LNPEP: variants seen among roughly 807,000 people sequenced by gnomAD.
The protein encoded by LNPEP is leucyl and cystinyl aminopeptidase, also known as leucyl-cystinyl aminopeptidase.
LNPEP carries 64 observed loss-of-function variants against 120.6 expected under a neutral mutation model. That is an observed-to-expected ratio of 0.53 (90% CI 0.43 to 0.65). LNPEP has a LOEUF of 0.65. Among genes scored for constraint, LNPEP ranks in the 30% least tolerant of loss-of-function variants. The pLI, the probability that LNPEP is intolerant of heterozygous loss-of-function variation, is 0.00. For synonymous variants in LNPEP, 435 were observed against 425.4 expected, an observed-to-expected ratio of 1.02 and a Z score of -0.28; for missense variants, 1,057 against 1,200.0, an observed-to-expected ratio of 0.88 and a Z score of 1.76.
rs761557416 is a variant in LNPEP, at chr5:97,026,722, T to G, written c.2829T>G (p.Asp943Glu). The change falls in exon 16 of 18, where the codon GAT becomes GAG. Residue 943 changes from aspartate to glutamate, a missense_variant. Coordinates refer to ENST00000231368, the MANE Select transcript of LNPEP (RefSeq NM_005575.3). The stretch of plus-strand genomic sequence containing the variant: ...TTCCTGGACACTTACTGGCATGGGA[T>G]TTTGTCAAAGAGAACTGGAATAAGC... ...RHFPGHLLAW[D>E]FVKENWNKLV... The G allele has an allele frequency of 6.2e-6, 10 of 1,613,512 alleles. No individual in the cohort carries two copies. The highest frequency in any genetic ancestry group is 8.5e-6 in the Non-Finnish European group (10 of 1,179,492).
At chr5:97,019,299 A>C (rs1022517846) in intron 13 of LNPEP, among the ~76,000 whole-genome samples, 4 of 152,296 alleles carry the variant, frequency 2.6e-5, no homozygotes, top group Middle Eastern at 3.4e-3. Flanking sequence ...TTTCAAAAAA[A>C]TTAATTTGGA....
chr5:96,991,076 A>G (rs1442755206), intron 4 of LNPEP, among the ~76,000 whole-genome samples: 1 of 152,114 alleles, frequency 6.6e-6, no homozygotes, highest in South Asian at 2.1e-4. Flanking sequence ...CCTTTCCTCC[A>G]TGTTCCCAAA....
intron 13 of LNPEP, among the ~76,000 whole-genome samples, chr5:97,021,737 C>G (rs1791201916): frequency 6.6e-6 from 1 of 151,966 alleles, no homozygotes; most frequent in Non-Finnish European, 1.5e-5. Context: ...CACTAAAAGT[C>G]CCCCTTAGCT....
chr5:96,961,798 T>C (rs1789615064), intron 1 of LNPEP, among the ~76,000 whole-genome samples: 1 of 152,152 alleles, frequency 6.6e-6, no homozygotes, highest in African/African-American at 2.4e-5. Context: ...TATTATATTA[T>C]TATTTTTGAT....
Position 96,944,934 on chromosome 5 carries a change from A to T in LNPEP, c.19+8760A>T, listed in dbSNP as rs1789150651. 2.6e-5 allele frequency among the ~76,000 whole-genome samples: 4 copies of T among 152,122 alleles called. No individual in the cohort carries two copies. The South Asian group carries it at 8.3e-4, about 32-fold the overall frequency. On this transcript the variant is annotated intron_variant, in intron 1 of 17. Transcript: ENST00000231368. The stretch of plus-strand genomic sequence containing the variant: ...TTAAGTTATTATCTAAAGACCTGGA[A>T]TCCATAGAAAGGAGTGTCTGGGTTA...
chr5:97,009,309 C>A (rs1239160164), intron 11 of LNPEP, among the ~76,000 whole-genome samples: 1 of 151,858 alleles, frequency 6.6e-6, no homozygotes, highest in East Asian at 2.0e-4. Flanking sequence ...TCTACTTCTC[C>A]ACTCATAATA....
chr5:96,971,353 G>A (rs1789858862), intron 1 of LNPEP, among the ~76,000 whole-genome samples: 1 of 149,100 alleles, frequency 6.7e-6, no homozygotes, highest in Non-Finnish European at 1.5e-5. Context: ...ATTTGTGTGT[G>A]TGTGTGTGTG....
intron 8 of LNPEP, among the ~76,000 whole-genome samples, chr5:97,001,866 A>T (rs1436511300): frequency 6.6e-6 from 1 of 152,150 alleles, no homozygotes; most frequent in Non-Finnish European, 1.5e-5. Context: ...CCGGCCGGGC[A>T]TGGTAGCTCA....
chr5:96,969,338 A>G (rs1789805348), intron 1 of LNPEP, among the ~76,000 whole-genome samples: 1 of 151,806 alleles, frequency 6.6e-6, no homozygotes, highest in Admixed American at 6.6e-5. Context: ...ATTTGGATTT[A>G]CAAAGAAAAT....
At chr5:96,968,436 GGA>G in intron 1 of LNPEP, among the ~76,000 whole-genome samples, 1 of 152,134 alleles carries the variant, frequency 6.6e-6, no homozygotes, top group East Asian at 1.9e-4. Flanking sequence ...GATTGTCCAG[GGA>G]CTTACCCTGG....
At chr5:97,010,770 A>C in intron 11 of LNPEP, 1 of 985,404 alleles carries the variant, frequency 1.0e-6, no homozygotes, top group Non-Finnish European at 1.2e-6. Context: ...ACTATAGTAA[A>C]TTAAAAACAT....
chr5:97,004,681 T>C (rs1471121996), intron 9 of LNPEP, among the ~76,000 whole-genome samples: 1 of 152,190 alleles, frequency 6.6e-6, no homozygotes, highest in East Asian at 1.9e-4. Context: ...ATACACTCTT[T>C]ACTGCTTCTT....
In LNPEP at chr5:97,029,373, T is replaced by G. The variant is rs1466739042; in HGVS notation, c.*840T>G. 6.6e-6 allele frequency: 1 copy of G among 152,358 alleles called. No homozygotes were observed. The highest frequency in any genetic ancestry group is 1.5e-5 in the Non-Finnish European group (1 of 68,032). 9.4% of individuals were successfully genotyped at this position (152,358 alleles called of 1,614,324 possible). ...CTCCCTGCCGTAGATATACTTTAGG[T>G]TAGTATTTCTACATTCGTGGCAAGC... On this transcript the variant is annotated 3_prime_UTR_variant, in exon 18 of 18. Transcript: ENST00000231368.
intron 13 of LNPEP, among the ~76,000 whole-genome samples, chr5:97,020,313 A>G (rs1426786024): frequency 6.6e-6 from 1 of 152,202 alleles, no homozygotes; most frequent in East Asian, 1.9e-4. Flanking sequence ...AACTTGAGCT[A>G]AACTTCTGAA....
chr5:97,004,453 A>G (rs2112643706), intron 9 of LNPEP, among the ~76,000 whole-genome samples: 1 of 151,950 alleles, frequency 6.6e-6, no homozygotes, highest in African/African-American at 2.4e-5. Flanking sequence ...CAGAGGTTGC[A>G]GTGAGCCGAG....
In LNPEP at chr5:96,954,749, C is replaced by CATAT. The variant is rs1193708221; in HGVS notation, c.19+18596_19+18599dup. ...ATATATATATACATATATATATACA[C>CATAT]ATATATATATATATATATATATATT... On this transcript the variant is annotated intron_variant, in intron 1 of 17. Transcript: ENST00000231368. 6.6e-4 allele frequency among the ~76,000 whole-genome samples: 16 copies of CATAT among 24,206 alleles called. 5 individuals carry two copies. Among genetic ancestry groups the CATAT allele is most frequent in the Non-Finnish European group, 1.3e-3 (15 of 11,786 alleles). The allele number at this position is 24,206 out of a possible 152,430, so 15.9% of individuals were successfully genotyped here.
intron 7 of LNPEP, 83 bp downstream of exon 7, chr5:96,996,586 C>T (rs1442574664): frequency 2.7e-6 from 2 of 746,440 alleles, no homozygotes; most frequent in African/African-American, 3.5e-5. Context: ...TTCTGTGCAT[C>T]TGGAGTAATG....
intron 9 of LNPEP, among the ~76,000 whole-genome samples, chr5:97,004,339 C>T (rs1790727437): frequency 6.6e-6 from 1 of 152,004 alleles, no homozygotes; most frequent in South Asian, 2.1e-4. Flanking sequence ...ATGGTGAAAC[C>T]CCGTCTCCAC....
chr5:96,943,442 A>G (rs571916541), intron 1 of LNPEP, among the ~76,000 whole-genome samples: 2 of 152,250 alleles, frequency 1.3e-5, no homozygotes, highest in East Asian at 3.9e-4. Context: ...GCACACCACC[A>G]TGCCTGGCTA....
Sources: gnomAD v4.1 joint callset for allele counts (sites outside exome capture counted in the v4.1 genomes callset) on GRCh38, gnomAD v4.1.1 for gene constraint, MANE v1.5 for transcripts, NCBI Gene and HGNC (gene_info 2026-07-23, HGNC 2026-07-21) for gene names.